ASCC3: variants seen among roughly 807,000 people sequenced by gnomAD.
The protein encoded by ASCC3 is ASC-1 complex subunit P200.
Under a neutral mutation model 256.3 loss-of-function variants are expected in ASCC3, and 158 were observed. The observed-to-expected ratio is 0.62, with a 90% CI of 0.54 to 0.70. The LOEUF (loss-of-function observed/expected upper bound fraction) is 0.70. Ranked by LOEUF, ASCC3 falls within the 30% of genes least tolerant of loss-of-function variation. ASCC3 has a pLI of 0.00. For missense variants in ASCC3, 2,259 were observed against 2,626.0 expected (o/e 0.86, Z 3.05); for synonymous variants, 948 against 883.4 (o/e 1.07, Z -1.30).
At chr6:100,742,097 TA>T (rs149270509) in intron 10 of ASCC3, among the ~76,000 whole-genome samples, 7,281 of 152,254 alleles carry the variant, frequency 0.048, 202 homozygotes, top group African/African-American at 0.059. Context: ...GTTTTTCTCT[TA>T]ACAGTCAAGC....
chr6:100,601,113 G>A (rs745354656), intron 34 of ASCC3, among the ~76,000 whole-genome samples: 1 of 151,972 alleles, frequency 6.6e-6, no homozygotes. Flanking sequence ...AGTGCCTTCC[G>A]CCTTTTCTAC....
At chr6:100,543,778 CT>C (rs1775578287) in intron 36 of ASCC3, among the ~76,000 whole-genome samples, 2 of 151,884 alleles carry the variant, frequency 1.3e-5, no homozygotes, top group African/African-American at 2.4e-5. Context: ...ATTTCAATAC[CT>C]ATCTTTTAAT....
At chr6:100,772,047 T>C (rs867387882) in intron 8 of ASCC3, among the ~76,000 whole-genome samples, 10 of 151,552 alleles carry the variant, frequency 6.6e-5, no homozygotes, top group Admixed American at 1.3e-4. Context: ...GCATGGCTAA[T>C]TTTTTTTGTA....
At chr6:100,843,410 A>G (rs758511442) in intron 4 of ASCC3, among the ~76,000 whole-genome samples, 15 of 152,226 alleles carry the variant, frequency 9.9e-5, no homozygotes, top group Admixed American at 1.3e-4. Flanking sequence ...CACAAATGCT[A>G]TAAAGAAGCA....
intron 37 of ASCC3, among the ~76,000 whole-genome samples, chr6:100,532,404 ATATTTTTT>A (rs1230959017): frequency 0.032 from 1,518 of 47,820 alleles, 21 homozygotes; most frequent in African/African-American, 0.094. Context: ...ATATATATAT[ATATTTTTT>A]TTTTTTTTTT....
chr6:100,545,480 T>C (rs1775678066), intron 36 of ASCC3, among the ~76,000 whole-genome samples: 1 of 152,108 alleles, frequency 6.6e-6, no homozygotes, highest in Non-Finnish European at 1.5e-5. Flanking sequence ...TGGCCATAAA[T>C]GGCACTTCTG....
intron 10 of ASCC3, among the ~76,000 whole-genome samples, chr6:100,747,085 G>C (rs1780712844): frequency 6.6e-6 from 1 of 150,460 alleles, no homozygotes; most frequent in Admixed American, 6.6e-5. Context: ...AAATATTTTA[G>C]ACAGGGCAAA....
chr6:100,777,636 G>T (rs1282113764), intron 8 of ASCC3, among the ~76,000 whole-genome samples: 1 of 152,090 alleles, frequency 6.6e-6, no homozygotes, highest in Non-Finnish European at 1.5e-5. Flanking sequence ...AGAATAAAAT[G>T]ACAAGAACCA....
chr6:100,685,627 T>C (rs1562225356), intron 13 of ASCC3, among the ~76,000 whole-genome samples: 1 of 152,200 alleles, frequency 6.6e-6, no homozygotes, highest in Non-Finnish European at 1.5e-5. Context: ...GCATTTACAA[T>C]AGTTCTGGCA....
chr6:100,673,879 C>T (rs1477453911), intron 14 of ASCC3, among the ~76,000 whole-genome samples: 3 of 152,166 alleles, frequency 2.0e-5, no homozygotes. Flanking sequence ...GAATAGAGAA[C>T]ATTCTTATTC....
intron 13 of ASCC3, among the ~76,000 whole-genome samples, chr6:100,694,898 G>A (rs897194240): frequency 2.0e-5 from 3 of 152,054 alleles, no homozygotes; most frequent in African/African-American, 4.8e-5. Flanking sequence ...GTTTGATGAG[G>A]GGCACTATAT....
intron 8 of ASCC3, among the ~76,000 whole-genome samples, chr6:100,789,675 G>T (rs115306748): frequency 0.015 from 2,211 of 151,998 alleles, 47 homozygotes; most frequent in African/African-American, 0.051. Flanking sequence ...TTAGAAGAAA[G>T]AGGTCCCTAT....
At chr6:100,683,571 A>C (rs768050626) in intron 13 of ASCC3, among the ~76,000 whole-genome samples, 36 of 152,262 alleles carry the variant, frequency 2.4e-4, no homozygotes, top group South Asian at 1.0e-3. Context: ...AATTAACTTA[A>C]ATAGACTCAT....
At chr6:100,852,905 A>T (rs1004606499) in intron 3 of ASCC3, among the ~76,000 whole-genome samples, 1 of 152,126 alleles carries the variant, frequency 6.6e-6, no homozygotes, top group Non-Finnish European at 1.5e-5. Context: ...TTTTATTAAG[A>T]AGAAATACTC....
rs770345030 is a variant in ASCC3, at chr6:100,652,827, G to C, written c.2886C>G (p.Asp962Glu). The change falls in exon 18 of 42, where the codon GAC (aspartate) becomes GAG (glutamate). Residue 962 changes from aspartate to glutamate, a missense_variant. Coordinates refer to ENST00000369162, the MANE Select transcript of ASCC3 (RefSeq NM_006828.4). ...QLVIEVGRKL[D>E]KAQMIRFEER... ...CCTCAAAACGAATCATCTGAGCTTT[G>C]TCTAGTTTTCGTCCAACTTCAATGA... 18 of 1,613,898 alleles carry C rather than the reference G, an allele frequency of 1.1e-5. No individual in the cohort carries two copies. The highest frequency in any genetic ancestry group is 1.5e-5 in the Non-Finnish European group (18 of 1,179,912).
At chr6:100,609,646 G>C (rs1773290981) in intron 30 of ASCC3, among the ~76,000 whole-genome samples, 1 of 152,128 alleles carries the variant, frequency 6.6e-6, no homozygotes, top group South Asian at 2.1e-4. Context: ...GCTCAAACCT[G>C]TAATCCCAGC....
chr6:100,611,526 A>G (rs941690834), intron 30 of ASCC3, among the ~76,000 whole-genome samples: 1 of 152,098 alleles, frequency 6.6e-6, no homozygotes, highest in Non-Finnish European at 1.5e-5. Context: ...TTGAGCACTT[A>G]TAATATGCCA....
At chr6:100,537,406 T>G (rs1383722542) in intron 37 of ASCC3, among the ~76,000 whole-genome samples, 1 of 152,078 alleles carries the variant, frequency 6.6e-6, no homozygotes, top group Non-Finnish European at 1.5e-5. Flanking sequence ...TAAGGCGACA[T>G]GACAACTAAA....
intron 3 of ASCC3, chr6:100,859,204 T>C (rs774397937): frequency 1.9e-5 from 15 of 779,748 alleles, no homozygotes; most frequent in Non-Finnish European, 2.6e-5. Context: ...AATTCACTTC[T>C]AGGAAAAAGT....
Sources: gnomAD v4.1 joint callset for allele counts (sites outside exome capture counted in the v4.1 genomes callset) on GRCh38, gnomAD v4.1.1 for gene constraint, MANE v1.5 for transcripts, NCBI Gene and HGNC (gene_info 2026-07-23, HGNC 2026-07-21) for gene names.